Variants in NUDCD3 observed in about 807,000 individuals in gnomAD.
The protein encoded by NUDCD3 is nudC domain-containing protein 3.
NUDCD3 carries 13 observed loss-of-function variants against 39.7 expected under a neutral mutation model. The ratio of observed to expected loss-of-function variants is 0.33; its 90% confidence interval spans 0.21 to 0.52. The LOEUF (loss-of-function observed/expected upper bound fraction) is 0.52. Among genes scored for constraint, NUDCD3 ranks in the 20% least tolerant of loss-of-function variants. NUDCD3 has a pLI of 0.96. For synonymous variants in NUDCD3, 175 were observed against 172.4 expected, an observed-to-expected ratio of 1.02 and a Z score of -0.12; for missense variants, 453 against 458.1, an observed-to-expected ratio of 0.99 and a Z score of 0.10.
intron 2 of NUDCD3, among the ~76,000 whole-genome samples, chr7:44,433,407 C>A (rs903191171): frequency 6.6e-6 from 1 of 151,872 alleles, no homozygotes; most frequent in Non-Finnish European, 1.5e-5. Flanking sequence ...TGCATGTGTA[C>A]CTGCATGTGC....
At chr7:44,397,670 T>C (rs529198768) in intron 4 of NUDCD3, among the ~76,000 whole-genome samples, 2 of 152,310 alleles carry the variant, frequency 1.3e-5, no homozygotes, top group East Asian at 1.9e-4. Flanking sequence ...AAGACACCCA[T>C]ACAAGTGTTT....
intron 3 of NUDCD3, among the ~76,000 whole-genome samples, chr7:44,413,020 G>A (rs1405554641): frequency 6.6e-6 from 1 of 150,898 alleles, no homozygotes; most frequent in Non-Finnish European, 1.5e-5. Context: ...AAAGATCAAA[G>A]TGGATTATAA....
Position 44,382,239 on chromosome 7 carries a change from T to A in NUDCD3, c.*3772A>T, listed in dbSNP as rs537011112. On this transcript the variant is annotated 3_prime_UTR_variant, in exon 6 of 6. Transcript: ENST00000355451. ...GAGGACTGAAAAACTACATATCAGG[T>A]ATCATGCTGATTACCTGGGTGACAA... 1.5e-3 allele frequency: 221 copies of A among 152,204 alleles called. 1 individual carries two copies. The highest frequency in any genetic ancestry group is 5.2e-3 in the African/African-American group (217 of 41,524). 9.4% of individuals were successfully genotyped at this position (152,204 alleles called of 1,614,324 possible). A position where few individuals can be genotyped will look rare whatever the true frequency, so the allele number is the denominator to read the frequency against.
At chr7:44,464,518 A>G (rs1187163033) in intron 2 of NUDCD3, among the ~76,000 whole-genome samples, 1 of 152,106 alleles carries the variant, frequency 6.6e-6, no homozygotes, top group East Asian at 1.9e-4. Context: ...CAATGGCACA[A>G]TCTCGGCTCA....
At chr7:44,475,651 T>A (rs1800352644) in intron 2 of NUDCD3, among the ~76,000 whole-genome samples, 1 of 151,992 alleles carries the variant, frequency 6.6e-6, no homozygotes, top group African/African-American at 2.4e-5. Context: ...TCTCAGCTAC[T>A]CAGGAGGCTG....
At chr7:44,464,052 A>G (rs1254458040) in intron 2 of NUDCD3, among the ~76,000 whole-genome samples, 1 of 151,924 alleles carries the variant, frequency 6.6e-6, no homozygotes, top group East Asian at 1.9e-4. Context: ...CGTCTCTACT[A>G]AAAATACAAA....
intron 1 of NUDCD3, chr7:44,490,181 C>G (rs545077558): frequency 5.8e-6 from 3 of 513,766 alleles, no homozygotes; most frequent in East Asian, 7.0e-5. Context: ...GGGCTCTTAA[C>G]AGTCGGCTTA....
At chr7:44,404,969 A>G (rs745833) in intron 3 of NUDCD3, among the ~76,000 whole-genome samples, 57,346 of 151,964 alleles carry the variant, frequency 0.38, 11,271 homozygotes, top group East Asian at 0.52. Flanking sequence ...GAGACGCAGG[A>G]GCCCAGCCCT....
At chr7:44,426,086 G>C (rs1437831273) in intron 3 of NUDCD3, 1 of 979,952 alleles carries the variant, frequency 1.0e-6, no homozygotes, top group African/African-American at 1.8e-5. Context: ...CCACTTCATC[G>C]CTGTGACCTG....
intron 2 of NUDCD3, among the ~76,000 whole-genome samples, chr7:44,474,594 C>T (rs551344111): frequency 2.0e-5 from 3 of 152,284 alleles, no homozygotes; most frequent in African/African-American, 7.2e-5. Flanking sequence ...ACCCATCCAA[C>T]TCTGAAAACG....
chr7:44,411,400 GAAT>G (rs1798921903), intron 3 of NUDCD3, among the ~76,000 whole-genome samples: 1 of 152,134 alleles, frequency 6.6e-6, no homozygotes, highest in Admixed American at 6.5e-5. Flanking sequence ...GTAGTATCCA[GAAT>G]ACGTAAAGAA....
chr7:44,468,535 AG>A (rs982144296), intron 2 of NUDCD3, among the ~76,000 whole-genome samples: 5 of 152,160 alleles, frequency 3.3e-5, no homozygotes, highest in African/African-American at 1.2e-4. Context: ...GACTAGAATC[AG>A]GAAGTAAAAA....
At chr7:44,441,722 G>T (rs1799588371) in intron 2 of NUDCD3, among the ~76,000 whole-genome samples, 2 of 152,120 alleles carry the variant, frequency 1.3e-5, no homozygotes, top group South Asian at 2.1e-4. Context: ...CCTTACTGTT[G>T]TAGGTCCCAG....
chr7:44,404,324 G>A, intron 4 of NUDCD3, 116 bp downstream of exon 4: 2 of 1,048,342 alleles, frequency 1.9e-6, no homozygotes, highest in Non-Finnish European at 2.8e-6. Context: ...ATCTGCCCCA[G>A]CAGCTGAAAT....
At chr7:44,468,367 A>T in intron 2 of NUDCD3, 1 of 1,284,728 alleles carries the variant, frequency 7.8e-7, no homozygotes, top group South Asian at 1.3e-5. Flanking sequence ...AAAAAAAAAA[A>T]AAAGAAAAGA....
chr7:44,385,932 G>A lies in NUDCD3; in HGVS notation c.*79C>T. ...GGTAAACAAGACGAGCAAGTCCCTG[G>A]AATGCAGGGAGCCAAGAAGGGCAGC... On this transcript the variant is annotated 3_prime_UTR_variant, in exon 6 of 6. Transcript: ENST00000355451. 1.3e-6 allele frequency: 1 copy of A among 769,226 alleles called. No homozygotes were observed. 47.7% of individuals were successfully genotyped at this position (769,226 alleles called of 1,614,324 possible).
At chr7:44,427,805 A>C in intron 2 of NUDCD3, 102 bp from the exon 3 acceptor site, 5 of 1,248,498 alleles carry the variant, frequency 4.0e-6, no homozygotes, top group Non-Finnish European at 5.5e-6. Context: ...AGACGTGACC[A>C]ACTCAAGTTT....
At chr7:44,457,025 GT>G (rs1235164271) in intron 2 of NUDCD3, among the ~76,000 whole-genome samples, 1 of 148,048 alleles carries the variant, frequency 6.8e-6, no homozygotes, top group Non-Finnish European at 1.5e-5. Flanking sequence ...ATATAACCTG[GT>G]TAAAAAAAAA....
chr7:44,435,855 A>G (rs947232896), intron 2 of NUDCD3, among the ~76,000 whole-genome samples: 5 of 152,184 alleles, frequency 3.3e-5, no homozygotes, highest in African/African-American at 1.2e-4. Context: ...CAGGACCTCG[A>G]ATCCATTCCA....
Sources: allele counts gnomAD v4.1 joint callset (sites outside exome capture counted in the v4.1 genomes callset), GRCh38; gene constraint gnomAD v4.1.1; transcripts MANE v1.5; gene names NCBI Gene and HGNC (gene_info 2026-07-23, HGNC 2026-07-21).